Variants in CTPS1 observed in about 807,000 individuals in gnomAD.
The protein encoded by CTPS1 is CTP synthase 1.
A neutral mutation model predicts 80.5 loss-of-function variants in CTPS1; 25 were observed. The ratio of observed to expected loss-of-function variants is 0.31; its 90% CI spans 0.23 to 0.43. The LOEUF (loss-of-function observed/expected upper bound fraction) is 0.43. Among genes scored for constraint, CTPS1 ranks in the 20% least tolerant of loss-of-function variants. The probability of loss-of-function intolerance (pLI) is 1.00; values close to 1 mark genes in which losing one functional copy is unlikely to be tolerated. For synonymous variants in CTPS1, 267 were observed against 252.5 expected, an observed-to-expected ratio of 1.06 and a Z score of -0.54; for missense variants, 442 against 725.7, an observed-to-expected ratio of 0.61 and a Z score of 4.49.
intron 9 of CTPS1, among the ~76,000 whole-genome samples, chr1:40,999,179 C>T (rs1570966982): frequency 6.6e-6 from 1 of 152,052 alleles, no homozygotes; most frequent in South Asian, 2.1e-4. Context: ...GGAGAAGGCT[C>T]GGAAGGGGCA....
intron 8 of CTPS1, chr1:40,997,177 G>C (rs1476438000): frequency 5.9e-6 from 3 of 505,582 alleles, no homozygotes; most frequent in East Asian, 7.1e-5. Context: ...CTGTTGCCCA[G>C]GCTGTAGTGC....
chr1:40,979,978 C>T (rs899492333), intron 1 of CTPS1, 149 bp downstream of exon 1: 3 of 152,056 alleles, frequency 2.0e-5, no homozygotes, highest in Non-Finnish European at 4.4e-5. Context: ...GCGTCCTGCC[C>T]AATGGGCTGT....
Position 40,983,187 on chromosome 1 carries a change from A to G in CTPS1, c.-13-91A>G. The G allele has an allele frequency of 1.5e-5, 16 of 1,074,886 alleles. No individual in the cohort carries two copies. The South Asian group carries it at 2.6e-4, about 17-fold the overall frequency. 66.6% of individuals were successfully genotyped at this position (1,074,886 alleles called of 1,614,324 possible). Reference sequence around the variant, plus strand: ...AAACTGAGGCTTCAAGAGGGTTCATAGCTAATAATTGGCAGAGCCAGTGTT... The same window carrying G: ...AAACTGAGGCTTCAAGAGGGTTCATGGCTAATAATTGGCAGAGCCAGTGTT... On this transcript the variant is annotated intron_variant, in intron 1 of 18. Coordinates refer to ENST00000650070, the MANE Select transcript of CTPS1 (RefSeq NM_001905.4).
At chr1:40,983,831 C>T (rs1178243062) in intron 2 of CTPS1, among the ~76,000 whole-genome samples, 2 of 152,070 alleles carry the variant, frequency 1.3e-5, no homozygotes, top group Admixed American at 6.6e-5. Flanking sequence ...CTGTGTTGTC[C>T]AGGCTGGTCT....
At chr1:40,996,269 C>A (rs1005949089) in intron 8 of CTPS1, 1 of 613,834 alleles carries the variant, frequency 1.6e-6, no homozygotes, top group Non-Finnish European at 2.8e-6. Context: ...CCTGATAGGG[C>A]CAGGCCAGGT....
intron 4 of CTPS1, among the ~76,000 whole-genome samples, 191 bp downstream of exon 4, chr1:40,987,663 A>G (rs1642490370): frequency 6.6e-6 from 1 of 152,206 alleles, no homozygotes; most frequent in Non-Finnish European, 1.5e-5. Flanking sequence ...TAGTTTGCCC[A>G]GTGTTCCTTT....
At chr1:40,982,197 T>G (rs927631188) in intron 1 of CTPS1, among the ~76,000 whole-genome samples, 1 of 152,044 alleles carries the variant, frequency 6.6e-6, no homozygotes, top group East Asian at 1.9e-4. Flanking sequence ...TTATTTCTCC[T>G]TTCCCTGCCA....
In CTPS1 at chr1:41,007,994, C is replaced by T. The variant is rs1489519938; in HGVS notation, c.1393+449C>T. On this transcript the variant is annotated intron_variant, in intron 14 of 18. Coordinates refer to ENST00000650070, the MANE Select transcript of CTPS1 (RefSeq NM_001905.4). The surrounding 1 kb of genome is among the most constrained non-coding windows in gnomAD (Gnocchi z 4.4). ...CGGAGGAAAATAGTTAAGAAAATGACTATTACACAGATTTCCTTCTTGTCT... is the reference window on the plus strand; with the variant it reads ...CGGAGGAAAATAGTTAAGAAAATGATTATTACACAGATTTCCTTCTTGTCT... Among the ~76,000 whole-genome samples, 1 of 152,198 alleles carries T rather than the reference C, an allele frequency of 6.6e-6. No individual in the cohort carries two copies. The highest frequency in any genetic ancestry group is 1.5e-5 in the Non-Finnish European group (1 of 68,030).
intron 10 of CTPS1, 59 bp from the exon 11 acceptor site, chr1:41,002,101 A>T: frequency 6.7e-7 from 1 of 1,482,354 alleles, no homozygotes. Context: ...TTAGGCGATT[A>T]TTGCAAGTTG....
At position 41,002,131 on chromosome 1, in the gene CTPS1, T is replaced by C. The variant is rs770209124; in HGVS notation, c.1095-29T>C. On this transcript the variant is annotated intron_variant, in intron 10 of 18. Coordinates refer to ENST00000650070, the MANE Select transcript of CTPS1 (RefSeq NM_001905.4). ...AAGTTGGACTGGTAGAAAAGGGGAA[T>C]TGCCTTTGTGGTTTGTTCTTTTGTG... 6 of 1,605,056 alleles carry C rather than the reference T, an allele frequency of 3.7e-6. No homozygotes were observed. The South Asian group carries it at 5.5e-5, about 15-fold the overall frequency.
At chr1:40,988,068 T>C (rs1346696258) in intron 4 of CTPS1, among the ~76,000 whole-genome samples, 2 of 152,030 alleles carry the variant, frequency 1.3e-5, no homozygotes, top group Admixed American at 6.6e-5. Context: ...CGCACCACCA[T>C]GCCCGGCTAG....
chr1:40,983,497 G>A, intron 2 of CTPS1, 41 bp downstream of exon 2: 1 of 1,521,942 alleles, frequency 6.6e-7, no homozygotes, highest in South Asian at 1.2e-5. Flanking sequence ...GCATGTGGCA[G>A]AACATGTCAG....
At position 41,001,066 on chromosome 1, in the gene CTPS1, A is replaced by G. The variant is rs763171719; in HGVS notation, c.1043A>G (p.Gln348Arg). The change falls in exon 10 of 19, where the codon CAA becomes CGA. Residue 348 changes from glutamine (Q) to arginine (R), a missense_variant. This residue lies in a region of CTPS1 where 321 missense variants were observed against 467.2 expected (regional missense o/e 0.69). Coordinates refer to ENST00000650070, the MANE Select transcript of CTPS1 (RefSeq NM_001905.4). Reference protein sequence around the residue: ...DSADLEPITSQEEPVRYHEAW... With the variant: ...DSADLEPITSREEPVRYHEAW... ...GCGGACTTGGAGCCCATCACCTCGC[A>G]AGAAGAGCCCGTGCGCTACCACGAA... The G allele has an allele frequency of 6.2e-7, 1 of 1,612,668 alleles. No homozygotes were observed. The highest frequency in any genetic ancestry group is 1.1e-5 in the South Asian group (1 of 90,858).
At position 40,997,157 on chromosome 1, in the gene CTPS1, G is replaced by A. The variant is rs553782858; in HGVS notation, c.873-237G>A. ...TTTTTTGTGGGGGTTTTTTGAGGCA[G>A]GGTCTCACACTGTTGCCCAGGCTGT... On this transcript the variant is annotated intron_variant, in intron 8 of 18. Coordinates refer to ENST00000650070, the MANE Select transcript of CTPS1 (RefSeq NM_001905.4). 1.4e-5 allele frequency: 6 copies of A among 422,134 alleles called. No homozygotes were observed. The East Asian group carries it at 2.1e-4, about 15-fold the overall frequency. The allele number at this position is 422,134 out of a possible 1,614,324, so 26.1% of individuals were successfully genotyped here.
At chr1:41,005,579 C>G (rs1045374119) in intron 12 of CTPS1, among the ~76,000 whole-genome samples, 4 of 152,044 alleles carry the variant, frequency 2.6e-5, no homozygotes, top group Admixed American at 6.6e-5. Context: ...TAAAAAAATT[C>G]ACGTGTGTGT....
chr1:41,005,001 C>T (rs1374517836), intron 12 of CTPS1, among the ~76,000 whole-genome samples: 1 of 151,274 alleles, frequency 6.6e-6, no homozygotes, highest in Non-Finnish European at 1.5e-5. Flanking sequence ...TGGTGGTGTG[C>T]GCCTGTAATC....
chr1:40,987,265 C>A, intron 3 of CTPS1, 107 bp from the exon 4 acceptor site: 1 of 798,924 alleles, frequency 1.3e-6, no homozygotes, highest in South Asian at 1.5e-5. Flanking sequence ...CCTATTGCTA[C>A]TCTCTCCAGG....
intron 5 of CTPS1, among the ~76,000 whole-genome samples, chr1:40,988,933 T>C (rs1438902032): frequency 2.0e-5 from 3 of 152,226 alleles, no homozygotes; most frequent in African/African-American, 7.2e-5. Context: ...AGATGTAGAT[T>C]GGCCGTGTGC....
chr1:40,989,517 C>T (rs985721825), intron 5 of CTPS1, among the ~76,000 whole-genome samples: 2 of 152,084 alleles, frequency 1.3e-5, no homozygotes, highest in East Asian at 1.9e-4. Context: ...TGGCGGCTCC[C>T]CATGAAATAA....
Sources: gnomAD v4.1 joint callset for allele counts (sites outside exome capture counted in the v4.1 genomes callset) on GRCh38, gnomAD v4.1.1 for gene constraint, gnomAD v4.1.1 regional missense constraint, Gnocchi (gnomAD v3.1) non-coding constraint, MANE v1.5 for transcripts, NCBI Gene and HGNC (gene_info 2026-07-23, HGNC 2026-07-21) for gene names.